EIF2B4: variants seen among roughly 807,000 people sequenced by gnomAD.
EIF2B4 encodes translation initiation factor eIF2B subunit delta.
In EIF2B4, 34 loss-of-function variants were observed where a neutral mutation model predicts 66.7. The observed-to-expected ratio is 0.51, with a 90% CI of 0.39 to 0.68. EIF2B4 has a LOEUF of 0.68. Among genes scored for constraint, EIF2B4 ranks in the 30% least tolerant of loss-of-function variants. The pLI is 0.00. For missense variants in EIF2B4, 618 were observed against 657.9 expected (o/e 0.94, Z 0.66); for synonymous variants, 278 against 253.6 (o/e 1.10, Z -0.92).
At chr2:27,365,190 G>A in intron 11 of EIF2B4, 1 of 374,658 alleles carries the variant, frequency 2.7e-6, no homozygotes, top group East Asian at 6.6e-5. Flanking sequence ...CCGAGTAGCT[G>A]GGATTACAGG....
intron 1 of EIF2B4, 157 bp from the exon 2 acceptor site, chr2:27,370,076 G>C (rs1040037111): frequency 2.7e-6 from 4 of 1,504,124 alleles, no homozygotes; most frequent in Non-Finnish European, 2.7e-6. Flanking sequence ...GCACTGCGCG[G>C]CGGATCAAAG....
In EIF2B4 at chr2:27,364,618, C is replaced by T. The variant is rs372323014; in HGVS notation, c.1373-19G>A. 354 of 1,614,142 alleles carry T rather than the reference C, an allele frequency of 2.2e-4. No homozygotes were observed. Among genetic ancestry groups the T allele is most frequent in the Non-Finnish European group, 2.8e-4 (329 of 1,180,026 alleles). On this transcript the variant is annotated intron_variant, in intron 12 of 12. Coordinates refer to ENST00000347454, the MANE Select transcript of EIF2B4 (RefSeq NM_001034116.2). ...GGGTCATCTGCAATGGAAGGCGTACCCATTATGTTCTTTCAGAAAAGAAGT... is the reference window on the plus strand; with the variant it reads ...GGGTCATCTGCAATGGAAGGCGTACTCATTATGTTCTTTCAGAAAAGAAGT...
At chr2:27,365,057 T>TG in intron 11 of EIF2B4, 159 bp from the exon 12 acceptor site, 3 of 328,610 alleles carry the variant, frequency 9.1e-6, no homozygotes, top group Non-Finnish European at 1.4e-5. Flanking sequence ...TAATAAATCT[T>TG]TTTTTTTTTT....
chr2:27,370,251 C>T (rs745438083), intron 1 of EIF2B4, 33 bp downstream of exon 1: 3 of 1,545,618 alleles, frequency 1.9e-6, no homozygotes, highest in Admixed American at 2.0e-5. Context: ...GTCGGCTCCG[C>T]GTACCAGTAG....
At chr2:27,367,345 T>C (rs1255604954) in intron 9 of EIF2B4, 112 bp downstream of exon 9, 1 of 1,576,632 alleles carries the variant, frequency 6.3e-7, no homozygotes, top group African/African-American at 1.3e-5. Context: ...AACCATTCCT[T>C]AACCCTTGAC....
intron 11 of EIF2B4, chr2:27,365,901 G>T (rs1029343704): frequency 6.6e-6 from 1 of 151,874 alleles, no homozygotes; most frequent in Non-Finnish European, 1.5e-5. Context: ...TTGACACAGG[G>T]TTTCATTCTG....
chr2:27,368,087 A>T lies in EIF2B4; in HGVS notation c.643T>A (p.Ser215Thr). 6.2e-7 allele frequency: 1 copy of T among 1,601,958 alleles called. No homozygotes were observed. The highest frequency in any genetic ancestry group is 8.5e-7 in the Non-Finnish European group (1 of 1,174,204). The part of the protein sequence containing the change: ...PAMVRLGLQY[S>T]QGLVSGSNAR... ...TTGGAGCCACTGACCAGGCCCTGGGAGTACTGCAGGCCGAGTCGCACCATG... is the reference window on the plus strand; with the variant it reads ...TTGGAGCCACTGACCAGGCCCTGGGTGTACTGCAGGCCGAGTCGCACCATG... The change falls in exon 7 of 13, where the codon TCC becomes ACC. Residue 215 changes from serine (S) to threonine (T), a missense_variant. By Grantham distance (58) the Ser-to-Thr change is moderately conservative (BLOSUM62 1). This residue lies in a region of EIF2B4 where 506 missense variants were observed against 511.9 expected (regional missense o/e 0.99). Transcript: ENST00000347454.
intron 2 of EIF2B4, 152 bp from the exon 3 acceptor site, chr2:27,369,701 G>A: frequency 6.7e-7 from 1 of 1,486,168 alleles, no homozygotes; most frequent in Non-Finnish European, 9.3e-7. Flanking sequence ...CACAGAGGCT[G>A]ACGTTTCTCC....
chr2:27,366,785 G>C lies in EIF2B4; in HGVS notation c.1165C>G (p.Pro389Ala), dbSNP rs756150677. ...TCTGGGAGCACATAGGAGGCTGCAG[G>C]AATCAGCAGGTAGGAGGCTGGGACA... Reference protein sequence around the residue: ...AGVPASYLLIPAASYVLPEVS... With the variant: ...AGVPASYLLIAAASYVLPEVS... Residue 389 changes from proline (P) to alanine (A), a missense_variant, in exon 11 of 13, where the codon CCT becomes GCT. Transcript: ENST00000347454. The C allele has an allele frequency of 3.0e-5, 48 of 1,614,100 alleles. No homozygotes were observed. In the Admixed American group the frequency reaches 7.8e-4, roughly 26 times the overall value.
At position 27,364,631 on chromosome 2, in the gene EIF2B4, T is replaced by G. The variant is rs562413033; in HGVS notation, c.1373-32A>C. 6.0e-5 allele frequency: 97 copies of G among 1,614,234 alleles called. No homozygotes were observed. The South Asian group carries it at 1.0e-3, about 17-fold the overall frequency. ...TGGAAGGCGTACCCATTATGTTCTT[T>G]CAGAAAAGAAGTTCTAGTTTATCCG... On this transcript the variant is annotated intron_variant, in intron 12 of 12. Coordinates refer to ENST00000347454, the MANE Select transcript of EIF2B4 (RefSeq NM_001034116.2).
In EIF2B4 at chr2:27,368,069, C is replaced by A; in HGVS notation, c.661G>T (p.Gly221Cys). 6.3e-7 allele frequency: 1 copy of A among 1,599,312 alleles called. No individual in the cohort carries two copies. Among genetic ancestry groups the A allele is most frequent in the East Asian group, 2.3e-5 (1 of 44,324 alleles). The change falls in exon 7 of 13, where the codon GGC (glycine) becomes TGC (cysteine). Residue 221 changes from glycine to cysteine, a missense_variant. Coordinates refer to ENST00000347454, the MANE Select transcript of EIF2B4 (RefSeq NM_001034116.2). ...GLQYSQGLVS[G>C]SNARCIALLR... ...AGGGCAATACACCGGGCATTGGAGC[C>A]ACTGACCAGGCCCTGGGAGTACTGC...
intron 2 of EIF2B4, 137 bp from the exon 3 acceptor site, chr2:27,369,686 A>G (rs1427538284): frequency 2.0e-6 from 3 of 1,518,348 alleles, no homozygotes; most frequent in Non-Finnish European, 2.7e-6. Context: ...TTGCAAGCTT[A>G]CATCCACAGA....
At chr2:27,369,311 A>G in intron 3 of EIF2B4, 99 bp from the exon 4 acceptor site, 1 of 1,608,388 alleles carries the variant, frequency 6.2e-7, no homozygotes, top group Non-Finnish European at 8.5e-7. Flanking sequence ...TTTGCTTTAC[A>G]CACTTGCTCA....
rs1397443782 is a variant in EIF2B4 at position 27,367,168 on chromosome 2, A to G, written c.919T>C (p.Tyr307His). Residue 307 changes from tyrosine to histidine, a missense_variant, in exon 10 of 13, where the codon TAT becomes CAT. Transcript: ENST00000347454. ...KSELRAAIDR[Y>H]VQEKIVLAAQ... Reference sequence around the variant, plus strand: ...GCTAGCACAATCTTCTCTTGCACATACCGATCAATGGCTGCTCGAAGTTCT... The same window carrying G: ...GCTAGCACAATCTTCTCTTGCACATGCCGATCAATGGCTGCTCGAAGTTCT... The G allele has an allele frequency of 6.2e-6, 10 of 1,614,184 alleles. No homozygotes were observed. Among genetic ancestry groups the G allele is most frequent in the Non-Finnish European group, 8.5e-6 (10 of 1,180,036 alleles).
chr2:27,369,063 C>G lies in EIF2B4; in HGVS notation c.361G>C (p.Glu121Gln), dbSNP rs1392575511. The G allele has an allele frequency of 3.1e-6, 5 of 1,614,140 alleles. No individual in the cohort carries two copies. The highest frequency in any genetic ancestry group is 4.2e-6 in the Non-Finnish European group (5 of 1,180,026). ...ERALKQARKG[E>Q]QGGPPPKASP... ...GCCTTAGGAGGTGGTCCTCCTTGTTCCCCTTTTCTTGCCTGTTTCAGGGCC... is the reference window on the plus strand; with the variant it reads ...GCCTTAGGAGGTGGTCCTCCTTGTTGCCCTTTTCTTGCCTGTTTCAGGGCC... The change falls in exon 4 of 13, where the codon GAA becomes CAA. Residue 121 changes from glutamate (E) to glutamine (Q), a missense_variant. Around this residue, in one of 4 missense-constraint regions of EIF2B4, gnomAD observed 506 missense variants for 511.9 expected, o/e 0.99. Transcript: ENST00000347454.
chr2:27,369,767 G>T, intron 2 of EIF2B4, 109 bp downstream of exon 2: 1 of 1,464,662 alleles, frequency 6.8e-7, no homozygotes, highest in Non-Finnish European at 9.2e-7. Flanking sequence ...AAATCTCCTG[G>T]CTTTACTGAG....
chr2:27,369,036 T>A lies in EIF2B4; in HGVS notation c.388A>T (p.Ser130Cys), dbSNP rs1353338846. ...GEQGGPPPKA[S>C]PSTAGETPSG... is the part of the protein sequence containing the mutation. ...GGGGTTTCTCCAGCTGTGCTGGGGC[T>A]GGCCTTAGGAGGTGGTCCTCCTTGT... The change falls in exon 4 of 13, where the codon AGC (serine) becomes TGC (cysteine). Residue 130 changes from serine (S) to cysteine (C), a missense_variant. Ser to Cys is a moderately radical substitution (Grantham distance 112, BLOSUM62 -1). Transcript: ENST00000347454. 6.2e-7 allele frequency: 1 copy of A among 1,614,046 alleles called. No individual in the cohort carries two copies. The highest frequency in any genetic ancestry group is 8.5e-7 in the Non-Finnish European group (1 of 1,180,034).
rs764517799 is a variant in EIF2B4 at position 27,364,427 on chromosome 2, A to G, written c.1545T>C (p.Val515=). The G allele has an allele frequency of 7.4e-6, 12 of 1,614,144 alleles. No individual in the cohort carries two copies. Among genetic ancestry groups the G allele is most frequent in the Non-Finnish European group, 1.0e-5 (12 of 1,180,038 alleles). ...ACTGGTCACTGCTCTTGACTCGTAG[A>G]ACAACAGGTACAGAACTGCAAGGGA... is the stretch of plus-strand genomic sequence containing the variant. The part of the protein sequence containing the change: ...GMIPCSSVPV[V]LRVKSSDQ The change falls in exon 13 of 13, where the codon GTT becomes GTC. Residue 515 remains valine (V), a synonymous_variant. Transcript: ENST00000347454.
chr2:27,369,291 T>C, intron 3 of EIF2B4, 79 bp from the exon 4 acceptor site: 2 of 1,608,176 alleles, frequency 1.2e-6, no homozygotes, highest in East Asian at 2.2e-5. Context: ...CTTCTCTCCT[T>C]GTAAACCTCT....
Sources: gnomAD v4.1 joint callset for allele counts on GRCh38, gnomAD v4.1.1 for gene constraint, gnomAD v4.1.1 regional missense constraint, MANE v1.5 for transcripts, NCBI Gene and HGNC (gene_info 2026-07-23, HGNC 2026-07-21) for gene names.